SYT3: variants seen among roughly 807,000 people sequenced by gnomAD.
The protein encoded by SYT3 is synaptotagmin 3, also known as synaptotagmin-3.
In SYT3, 25 loss-of-function variants were observed where a neutral mutation model predicts 50.6. The observed-to-expected ratio is 0.49, with a 90% CI of 0.36 to 0.69. The LOEUF is 0.69. SYT3 is among the 30% of genes least tolerant of loss of function. The probability of loss-of-function intolerance (pLI) is 0.00; values close to 1 mark genes in which losing one functional copy is unlikely to be tolerated. For synonymous variants in SYT3, 323 were observed against 353.9 expected (o/e 0.91, Z 0.98); for missense variants, 589 against 793.6 (o/e 0.74, Z 3.10).
chr19:50,639,126 C>G lies in SYT3; in HGVS notation c.-117G>C, dbSNP rs1415481624. The G allele has an allele frequency of 6.6e-6, 1 of 152,498 alleles. No individual in the cohort carries two copies. Among genetic ancestry groups the G allele is most frequent in the African/African-American group, 2.4e-5 (1 of 41,446 alleles). 9.4% of individuals were successfully genotyped at this position (152,498 alleles called of 1,614,324 possible). A position where few individuals can be genotyped will look rare whatever the true frequency, so the allele number is the denominator to read the frequency against. On this transcript the variant is annotated 5_prime_UTR_variant, in exon 2 of 11. Coordinates refer to ENST00000600079, the MANE Select transcript of SYT3 (RefSeq NM_001160329.2). This position sits in a 1 kb window ranked among gnomAD's most constrained non-coding sequence, Gnocchi z 4.6. Reference sequence around the variant, plus strand: ...ACAAGGGGCTGTGGACCCGTTCCCACGCGCCGGGTAATGAGAGAGAATGTC... The same window carrying G: ...ACAAGGGGCTGTGGACCCGTTCCCAGGCGCCGGGTAATGAGAGAGAATGTC...
chr19:50,649,910 G>A, the SYT3 span: 4 of 450,066 alleles, frequency 8.9e-6, no homozygotes, highest in Non-Finnish European at 1.8e-5. Flanking sequence ...AGTCACTGGT[G>A]CCATCCTTCC....
intron 6 of SYT3, among the ~76,000 whole-genome samples, chr19:50,628,992 T>G (rs773129137): frequency 6.6e-6 from 1 of 151,800 alleles, no homozygotes; most frequent in Non-Finnish European, 1.5e-5. Context: ...CCCGGCTAAT[T>G]TTTGTATTTT....
chr19:50,628,500 C>T (rs1984155602), intron 6 of SYT3, among the ~76,000 whole-genome samples: 1 of 151,944 alleles, frequency 6.6e-6, no homozygotes, highest in Admixed American at 6.6e-5. Context: ...GGGCAGGGAC[C>T]ATGAAAAAAC....
Position 50,639,592 on chromosome 19 carries a change from C to T in SYT3, c.-154+198G>A, listed in dbSNP as rs924967763. ...GGATCGGTGGGCGAGGGGTGGGATA[C>T]ACCCAGGTGTTTCGGGACCCCCTTC... On this transcript the variant is annotated intron_variant, in intron 1 of 10. Coordinates refer to ENST00000600079, the MANE Select transcript of SYT3 (RefSeq NM_001160329.2). This position sits in a 1 kb window ranked among gnomAD's most constrained non-coding sequence, Gnocchi z 4.6. Among the ~76,000 whole-genome samples, 8 of 151,880 alleles carry T rather than the reference C, an allele frequency of 5.3e-5. No individual in the cohort carries two copies. The highest frequency in any genetic ancestry group is 1.7e-4 in the African/African-American group (7 of 41,356).
chr19:50,641,241 G>A (rs1299639280), upstream of SYT3, among the ~76,000 whole-genome samples: 2 of 143,618 alleles, frequency 1.4e-5, no homozygotes, highest in African/African-American at 5.2e-5. Context: ...GTGTAGTGGC[G>A]CGATCTGGGC....
At chr19:50,645,127 A>G in the SYT3 span, among the ~76,000 whole-genome samples, 9 of 152,312 alleles carry the variant, frequency 5.9e-5, no homozygotes, top group African/African-American at 2.2e-4. Flanking sequence ...GGAGGTGGGG[A>G]GACACACCTT....
At chr19:50,647,940 C>T in the SYT3 span, among the ~76,000 whole-genome samples, 68 of 152,210 alleles carry the variant, frequency 4.5e-4, no homozygotes, top group East Asian at 1.5e-3. Context: ...GTCAGGGCCC[C>T]CAGAACTGAG....
intron 6 of SYT3, among the ~76,000 whole-genome samples, chr19:50,627,660 G>A (rs1334567296): frequency 1.3e-5 from 2 of 151,750 alleles, no homozygotes; most frequent in African/African-American, 2.4e-5. Flanking sequence ...CCGGGAGGTG[G>A]AGGTTGCAGT....
At chr19:50,644,530 G>A (rs978191226), upstream of SYT3, among the ~76,000 whole-genome samples, 1 of 151,588 alleles carries the variant, frequency 6.6e-6, no homozygotes, top group African/African-American at 2.4e-5. Flanking sequence ...ATGAAGGGAT[G>A]GATGAGTGGA....
chr19:50,653,636 A>G, the SYT3 span, among the ~76,000 whole-genome samples: 4 of 151,052 alleles, frequency 2.6e-5, no homozygotes, highest in African/African-American at 9.7e-5. Flanking sequence ...ACCACTGACT[A>G]TAGTTAAACC....
chr19:50,654,276 C>T, the SYT3 span, among the ~76,000 whole-genome samples: 2 of 152,028 alleles, frequency 1.3e-5, no homozygotes, highest in Non-Finnish European at 2.9e-5. Flanking sequence ...CTTCTTCCCT[C>T]CCTCCATCTC....
At chr19:50,651,469 C>T in the SYT3 span, among the ~76,000 whole-genome samples, 3 of 152,310 alleles carry the variant, frequency 2.0e-5, no homozygotes, top group Non-Finnish European at 4.4e-5. Flanking sequence ...TTGAAACACA[C>T]ATTGCCCTTT....
intron 6 of SYT3, among the ~76,000 whole-genome samples, chr19:50,627,250 G>C (rs1447799505): frequency 1.3e-5 from 2 of 152,136 alleles, no homozygotes; most frequent in Non-Finnish European, 2.9e-5. Flanking sequence ...TCTCTCCTTG[G>C]CCTTTGAGCC....
the SYT3 span, chr19:50,649,440 C>T: frequency 6.5e-7 from 1 of 1,536,142 alleles, no homozygotes; most frequent in Non-Finnish European, 8.7e-7. Context: ...ACCCACCTTC[C>T]CAGGATGCAG....
Position 50,632,198 on chromosome 19 carries a change from C to T in SYT3, c.674+88G>A. On this transcript the variant is annotated intron_variant, in intron 4 of 10. Transcript: ENST00000600079. This position sits in a 1 kb window ranked among gnomAD's most constrained non-coding sequence, Gnocchi z 4.7. ...CAATACCCCGATTCCCCTCCAAATCCCGAACTCATAAGAGCTATAGATAGG... is the reference window on the plus strand; with the variant it reads ...CAATACCCCGATTCCCCTCCAAATCTCGAACTCATAAGAGCTATAGATAGG... 7.2e-7 allele frequency: 1 copy of T among 1,396,070 alleles called. No homozygotes were observed. The highest frequency in any genetic ancestry group is 2.4e-5 in the Admixed American group (1 of 42,476). The allele number at this position is 1,396,070 out of a possible 1,614,324, so 86.5% of individuals were successfully genotyped here. A position where few individuals can be genotyped will look rare whatever the true frequency, so the allele number is the denominator to read the frequency against.
chr19:50,652,578 C>T, the SYT3 span, among the ~76,000 whole-genome samples: 1 of 152,200 alleles, frequency 6.6e-6, no homozygotes, highest in East Asian at 1.9e-4. Flanking sequence ...GAGTCCAAGT[C>T]GCAGAAAAAC....
At chr19:50,645,042 T>C in the SYT3 span, among the ~76,000 whole-genome samples, 2 of 152,204 alleles carry the variant, frequency 1.3e-5, no homozygotes, top group Non-Finnish European at 2.9e-5. Context: ...CTCAGAGGCA[T>C]GCACACATGT....
At chr19:50,656,186 C>G in the SYT3 span, 1 of 1,536,114 alleles carries the variant, frequency 6.5e-7, no homozygotes, top group Non-Finnish European at 8.7e-7. Context: ...GGCAGTGAAC[C>G]CTGACCTCAG....
upstream of SYT3, among the ~76,000 whole-genome samples, chr19:50,642,613 C>T (rs1383699990): frequency 6.6e-6 from 1 of 151,812 alleles, no homozygotes; most frequent in Non-Finnish European, 1.5e-5. Context: ...GCTGGCAGAT[C>T]ACCTGAGGTC....
Sources: allele counts gnomAD v4.1 joint callset (sites outside exome capture counted in the v4.1 genomes callset), GRCh38; gene constraint gnomAD v4.1.1; non-coding constraint Gnocchi (gnomAD v3.1); transcripts MANE v1.5; gene names NCBI Gene and HGNC (gene_info 2026-07-23, HGNC 2026-07-21).